Variants in SFSWAP observed in about 807,000 individuals in gnomAD.
SFSWAP encodes the protein splicing factor SWAP, also known as splicing factor, suppressor of white-apricot homolog.
A neutral mutation model predicts 100.7 loss-of-function variants in SFSWAP; 17 were observed. The observed-to-expected ratio is 0.17, with a 90% CI of 0.12 to 0.25. The LOEUF is 0.25. SFSWAP is among the 10% of genes least tolerant of loss of function. The pLI is 1.00. For missense variants in SFSWAP, 1,005 were observed against 1,262.6 expected, an observed-to-expected ratio of 0.80 and a Z score of 3.09; for synonymous variants, 504 against 510.1, an observed-to-expected ratio of 0.99 and a Z score of 0.16.
chr12:131,799,388 T>C (rs1885911306), intron 17 of SFSWAP, 35 bp from the exon 18 acceptor site: 1 of 1,607,834 alleles, frequency 6.2e-7, no homozygotes, highest in African/African-American at 1.3e-5. Context: ...TGGCCAGGTC[T>C]TCACAGGTTC....
At chr12:131,758,249 C>T (rs982991529) in intron 11 of SFSWAP, among the ~76,000 whole-genome samples, 1 of 152,160 alleles carries the variant, frequency 6.6e-6, no homozygotes, top group Admixed American at 6.5e-5. Context: ...AGCAGCCCTG[C>T]CCACAAGGCT....
chr12:131,792,746 G>C (rs1885359903), intron 15 of SFSWAP, among the ~76,000 whole-genome samples: 1 of 152,238 alleles, frequency 6.6e-6, no homozygotes, highest in South Asian at 2.1e-4. Flanking sequence ...CAAAATATTA[G>C]CCAACTAAGT....
At chr12:131,736,858 T>C (rs1385981358) in intron 7 of SFSWAP, among the ~76,000 whole-genome samples, 2 of 151,992 alleles carry the variant, frequency 1.3e-5, no homozygotes, top group Admixed American at 6.6e-5. Context: ...CAGCTGTCAC[T>C]CAAGCAGAGA....
chr12:131,772,571 G>A (rs1200886274), intron 13 of SFSWAP, among the ~76,000 whole-genome samples: 1 of 152,176 alleles, frequency 6.6e-6, no homozygotes, highest in Non-Finnish European at 1.5e-5. Flanking sequence ...GGACAGGTGC[G>A]GGAACCAGAG....
At chr12:131,766,693 G>A (rs1883148441) in intron 13 of SFSWAP, among the ~76,000 whole-genome samples, 1 of 152,130 alleles carries the variant, frequency 6.6e-6, no homozygotes. Context: ...CACACGTGGG[G>A]CAGAAATCCT....
At chr12:131,765,029 A>C (rs891452136) in intron 12 of SFSWAP, among the ~76,000 whole-genome samples, 5 of 152,234 alleles carry the variant, frequency 3.3e-5, no homozygotes, top group Admixed American at 6.5e-5. Flanking sequence ...CTGTCTTCCC[A>C]GCTCAGGAAC....
At chr12:131,719,832 G>T (rs1402163839) in intron 4 of SFSWAP, among the ~76,000 whole-genome samples, 1 of 152,160 alleles carries the variant, frequency 6.6e-6, no homozygotes, top group African/African-American at 2.4e-5. Flanking sequence ...AACTAAATCA[G>T]GATCAGTGGC....
intron 14 of SFSWAP, chr12:131,785,323 A>G (rs1289832374): frequency 2.5e-6 from 3 of 1,186,680 alleles, no homozygotes; most frequent in African/African-American, 3.0e-5. Flanking sequence ...AAGGGCAGCC[A>G]CTCCTGGCCC....
At chr12:131,745,194 T>C (rs1880998301) in intron 7 of SFSWAP, among the ~76,000 whole-genome samples, 1 of 152,242 alleles carries the variant, frequency 6.6e-6, no homozygotes, top group Non-Finnish European at 1.5e-5. Context: ...TTAAAAACTT[T>C]GGGCTTACAT....
chr12:131,715,719 G>A (rs992716681), intron 3 of SFSWAP, among the ~76,000 whole-genome samples: 1 of 152,074 alleles, frequency 6.6e-6, no homozygotes, highest in Non-Finnish European at 1.5e-5. Context: ...TTAAAAAGAA[G>A]AAGAACATTA....
rs1034662190 is a variant in SFSWAP at position 131,730,577 on chromosome 12, A to G, written c.1081+2149A>G. ...CTGAACTGAGGCATGCAGGGGTGGCATTGTGAGCTGTCTGGGTCAGAAGGC... is the reference window on the plus strand; with the variant it reads ...CTGAACTGAGGCATGCAGGGGTGGCGTTGTGAGCTGTCTGGGTCAGAAGGC... On this transcript the variant is annotated intron_variant, in intron 7 of 17. Transcript: ENST00000261674. This position sits in a 1 kb window ranked among gnomAD's most constrained non-coding sequence, Gnocchi z 4.0. Among the ~76,000 whole-genome samples the G allele has an allele frequency of 9.9e-5, 15 of 152,156 alleles. No individual in the cohort carries two copies. The highest frequency in any genetic ancestry group is 3.6e-4 in the African/African-American group (15 of 41,436).
rs191498396 is a variant in SFSWAP at position 131,799,492 on chromosome 12, G to A, written c.*4G>A. Reference sequence around the variant, plus strand: ...CCTGCAAACCAGCGCTTCCTGAGACGGGGCCAGCGGAGGCAGAGCCGGGAG... The same window carrying A: ...CCTGCAAACCAGCGCTTCCTGAGACAGGGCCAGCGGAGGCAGAGCCGGGAG... On this transcript the variant is annotated 3_prime_UTR_variant, in exon 18 of 18. Transcript: ENST00000261674. 29 of 1,613,330 alleles carry A rather than the reference G, an allele frequency of 1.8e-5. No homozygotes were observed. Among genetic ancestry groups the A allele is most frequent in the East Asian group, 6.7e-5 (3 of 44,872 alleles).
At position 131,770,554 on chromosome 12, in the gene SFSWAP, T is replaced by C. The variant is rs141218997; in HGVS notation, c.2142+4246T>C. ...TTTCTATAAAACTGATGTATACATA[T>C]GATTTTTAAAGTTCCAATGCTAGAG... On this transcript the variant is annotated intron_variant, in intron 13 of 17. Transcript: ENST00000261674. 2.1e-4 allele frequency among the ~76,000 whole-genome samples: 32 copies of C among 152,360 alleles called. No homozygotes were observed. The East Asian group carries it at 5.4e-3, about 26-fold the overall frequency.
At chr12:131,797,093 A>G in intron 15 of SFSWAP, 85 bp from the exon 16 acceptor site, 1 of 1,301,896 alleles carries the variant, frequency 7.7e-7, no homozygotes, top group South Asian at 1.3e-5. Flanking sequence ...CTCTTAGCCA[A>G]AAACTGGCTC....
chr12:131,782,779 G>C (rs572317878), intron 14 of SFSWAP, among the ~76,000 whole-genome samples: 7 of 152,298 alleles, frequency 4.6e-5, no homozygotes, highest in African/African-American at 1.4e-4. Context: ...GGCGACTCTG[G>C]ATCTCCAAAG....
At position 131,760,811 on chromosome 12, in the gene SFSWAP, C is replaced by T. The variant is rs1421016755; in HGVS notation, c.1721-3645C>T. ...TGCTGGGGCCAGACATGGTGGCTCA[C>T]GCTTGTAATCCCAGCACTTTGGGAG... On this transcript the variant is annotated intron_variant, in intron 11 of 17. Transcript: ENST00000261674. Among the ~76,000 whole-genome samples, 5 of 152,130 alleles carry T rather than the reference C, an allele frequency of 3.3e-5. No individual in the cohort carries two copies. In the East Asian group the frequency reaches 5.8e-4, roughly 18 times the overall value.
At chr12:131,742,126 G>C in intron 7 of SFSWAP, among the ~76,000 whole-genome samples, 1 of 152,182 alleles carries the variant, frequency 6.6e-6, no homozygotes, top group African/African-American at 2.4e-5. Flanking sequence ...GGGAACTACA[G>C]GGAGAGACGT....
At chr12:131,729,721 C>T (rs2136192551) in intron 7 of SFSWAP, among the ~76,000 whole-genome samples, 1 of 152,310 alleles carries the variant, frequency 6.6e-6, no homozygotes, top group East Asian at 1.9e-4. Flanking sequence ...AATGAGGAAG[C>T]TTTAGCAGAG....
At chr12:131,715,353 G>A (rs748096685) in intron 3 of SFSWAP, among the ~76,000 whole-genome samples, 1 of 152,108 alleles carries the variant, frequency 6.6e-6, no homozygotes, top group Non-Finnish European at 1.5e-5. Context: ...CCACAACTGA[G>A]ACAGTGACAC....
Sources: gnomAD v4.1 joint callset for allele counts (sites outside exome capture counted in the v4.1 genomes callset) on GRCh38, gnomAD v4.1.1 for gene constraint, Gnocchi (gnomAD v3.1) non-coding constraint, MANE v1.5 for transcripts, NCBI Gene and HGNC (gene_info 2026-07-23, HGNC 2026-07-21) for gene names.